NOL4: variants seen among roughly 807,000 people sequenced by gnomAD.
NOL4 encodes nucleolar protein 4.
Under a neutral mutation model 75.9 loss-of-function variants are expected in NOL4, and 17 were observed. That is an observed-to-expected ratio of 0.22 (90% confidence interval 0.15 to 0.34). NOL4 has a LOEUF of 0.34. NOL4 is among the 10% of genes least tolerant of loss of function. The pLI, the probability that NOL4 is intolerant of heterozygous loss-of-function variation, is 1.00. For synonymous variants in NOL4, 292 were observed against 289.9 expected, an observed-to-expected ratio of 1.01 and a Z score of -0.07; for missense variants, 614 against 793.5, an observed-to-expected ratio of 0.77 and a Z score of 2.72.
chr18:34,138,967 G>A (rs2081020174), intron 1 of NOL4, among the ~76,000 whole-genome samples: 1 of 152,118 alleles, frequency 6.6e-6, no homozygotes, highest in South Asian at 2.1e-4. Context: ...CTGTTTATAT[G>A]CTGGATTACA....
intron 1 of NOL4, chr18:34,222,191 C>T: frequency 1.4e-6 from 2 of 1,466,294 alleles, no homozygotes; most frequent in South Asian, 1.4e-5. Context: ...CCTCGCGGCG[C>T]CTGGGCTAGA....
chr18:33,960,825 A>G (rs895041865), intron 6 of NOL4, among the ~76,000 whole-genome samples: 1 of 152,120 alleles, frequency 6.6e-6, no homozygotes, highest in Non-Finnish European at 1.5e-5. Flanking sequence ...TATTGTTATA[A>G]TATCAGTAGA....
chr18:34,159,475 C>T (rs2031083025), intron 1 of NOL4, among the ~76,000 whole-genome samples: 1 of 152,110 alleles, frequency 6.6e-6, no homozygotes, highest in South Asian at 2.1e-4. Flanking sequence ...TGACCCTGAT[C>T]CGTGGATGCC....
intron 5 of NOL4, among the ~76,000 whole-genome samples, chr18:34,083,925 G>A (rs2078125507): frequency 6.6e-6 from 1 of 152,140 alleles, no homozygotes; most frequent in East Asian, 1.9e-4. Flanking sequence ...TCTTCCTTAG[G>A]GCTACTGCGG....
At chr18:34,048,493 C>T (rs2144927965) in intron 5 of NOL4, 1 of 985,440 alleles carries the variant, frequency 1.0e-6, no homozygotes, top group Non-Finnish European at 1.2e-6. Context: ...CCAATTCTAT[C>T]ATTGCAGATC....
intron 10 of NOL4, among the ~76,000 whole-genome samples, chr18:33,878,754 C>CA (rs1455931273): frequency 6.6e-6 from 1 of 151,848 alleles, no homozygotes; most frequent in Non-Finnish European, 1.5e-5. Flanking sequence ...TTTTAAAAAA[C>CA]AAAAAAATAC....
intron 9 of NOL4, among the ~76,000 whole-genome samples, chr18:33,919,583 T>C (rs926329676): frequency 2.0e-5 from 3 of 152,214 alleles, no homozygotes; most frequent in Non-Finnish European, 4.4e-5. Flanking sequence ...ATAGATTATT[T>C]TTAGTTTGAC....
intron 5 of NOL4, among the ~76,000 whole-genome samples, chr18:34,049,684 A>T (rs2076546067): frequency 6.6e-6 from 1 of 151,964 alleles, no homozygotes. Flanking sequence ...TCAACCTTTT[A>T]TGTTAGGAGC....
rs2062623151 is a variant in NOL4 at position 33,851,180 on chromosome 18, T to G, written c.*1662A>C. ...CAGCCCTCAATTTTTGAATTTTCAT[T>G]TAAATAAGCAAACTCTAAATCCACA... is the stretch of plus-strand genomic sequence containing the variant. On this transcript the variant is annotated 3_prime_UTR_variant, in exon 11 of 11. Coordinates refer to ENST00000261592, the MANE Select transcript of NOL4 (RefSeq NM_003787.5). 1 of 152,540 alleles carries G rather than the reference T, an allele frequency of 6.6e-6. No individual in the cohort carries two copies. The highest frequency in any genetic ancestry group is 1.5e-5 in the Non-Finnish European group (1 of 68,002). 9.4% of individuals were successfully genotyped at this position (152,540 alleles called of 1,614,324 possible).
intron 6 of NOL4, among the ~76,000 whole-genome samples, chr18:34,002,517 T>A (rs2073786217): frequency 6.6e-6 from 1 of 152,088 alleles, no homozygotes; most frequent in Admixed American, 6.6e-5. Context: ...ATACCATGTC[T>A]TCTTGTTCCA....
intron 2 of NOL4, among the ~76,000 whole-genome samples, chr18:34,128,627 C>T (rs2080490780): frequency 6.6e-6 from 1 of 151,674 alleles, no homozygotes; most frequent in Non-Finnish European, 1.5e-5. Flanking sequence ...GTTTATGTGG[C>T]AGATTTATGT....
chr18:33,915,065 G>A (rs979037297), intron 9 of NOL4, among the ~76,000 whole-genome samples: 8 of 152,112 alleles, frequency 5.3e-5, no homozygotes, highest in African/African-American at 1.9e-4. Context: ...GAACTGCAAG[G>A]AAGCAGGAAA....
At chr18:33,952,249 A>G (rs1184137233) in intron 8 of NOL4, among the ~76,000 whole-genome samples, 1 of 152,160 alleles carries the variant, frequency 6.6e-6, no homozygotes, top group Non-Finnish European at 1.5e-5. Context: ...TCTGAAAAAT[A>G]TATTGGCTAT....
intron 5 of NOL4, among the ~76,000 whole-genome samples, chr18:34,025,799 G>A (rs548820912): frequency 2.0e-5 from 3 of 152,114 alleles, no homozygotes; most frequent in East Asian, 1.9e-4. Flanking sequence ...GAGTTTGTGC[G>A]GAGAGAGAAA....
chr18:34,073,240 T>A lies in NOL4; in HGVS notation c.772+20225A>T, dbSNP rs550684544. Among the ~76,000 whole-genome samples, 4 of 152,168 alleles carry A rather than the reference T, an allele frequency of 2.6e-5. No homozygotes were observed. The East Asian group carries it at 7.7e-4, about 29-fold the overall frequency. On this transcript the variant is annotated intron_variant, in intron 5 of 10. Transcript: ENST00000261592. ...CCAATATCAGGAATGAAAGGTGATA[T>A]GACTACACGCTCTACAGAAATTCAC...
chr18:34,001,213 A>C (rs1198497066), intron 6 of NOL4, among the ~76,000 whole-genome samples: 1 of 152,140 alleles, frequency 6.6e-6, no homozygotes, highest in Non-Finnish European at 1.5e-5. Flanking sequence ...ATTCAATACA[A>C]CTTCTCTTTA....
intron 1 of NOL4, among the ~76,000 whole-genome samples, chr18:34,199,390 A>G (rs2072490740): frequency 6.6e-6 from 1 of 151,786 alleles, no homozygotes; most frequent in Non-Finnish European, 1.5e-5. Context: ...TAAAAAGAGG[A>G]GCAAAAATGA....
At chr18:33,937,319 A>G (rs1167474507) in intron 9 of NOL4, among the ~76,000 whole-genome samples, 3 of 152,078 alleles carry the variant, frequency 2.0e-5, no homozygotes, top group Non-Finnish European at 4.4e-5. Flanking sequence ...ACACATCCAT[A>G]CCACCTCTCA....
intron 5 of NOL4, among the ~76,000 whole-genome samples, chr18:34,066,912 T>C (rs1335056303): frequency 6.6e-6 from 1 of 152,074 alleles, no homozygotes; most frequent in Non-Finnish European, 1.5e-5. Flanking sequence ...TACAACTCAA[T>C]AGCTGACTAA....
Sources: allele counts gnomAD v4.1 joint callset (sites outside exome capture counted in the v4.1 genomes callset), GRCh38; gene constraint gnomAD v4.1.1; transcripts MANE v1.5; gene names NCBI Gene and HGNC (gene_info 2026-07-23, HGNC 2026-07-21).